SHANK2: variants seen among roughly 807,000 people sequenced by gnomAD.
The protein encoded by SHANK2 is SH3 and multiple ankyrin repeat domains protein 2.
A neutral mutation model predicts 133.7 loss-of-function variants in SHANK2; 43 were observed. The observed-to-expected ratio is 0.32, with a 90% CI of 0.25 to 0.41. The LOEUF is 0.41. Among genes scored for constraint, SHANK2 ranks in the 10% least tolerant of loss-of-function variants. SHANK2 has a pLI of 1.00. For missense variants in SHANK2, 1,994 were observed against 2,235.8 expected (o/e 0.89, Z 2.18); for synonymous variants, 1,017 against 952.8 (o/e 1.07, Z -1.24).
intron 21 of SHANK2, among the ~76,000 whole-genome samples, chr11:70,497,572 G>A (rs1019811173): frequency 6.6e-6 from 1 of 152,180 alleles, no homozygotes; most frequent in African/African-American, 2.4e-5. Context: ...ACGTGATGCT[G>A]ACCAGGCACA....
rs556957789 is a variant in SHANK2 at position 70,807,943 on chromosome 11, C to T, written c.1494-772G>A. Among the ~76,000 whole-genome samples, 186 of 152,212 alleles carry T rather than the reference C, an allele frequency of 1.2e-3. No homozygotes were observed. The highest frequency in any genetic ancestry group is 3.3e-3 in the African/African-American group (137 of 41,518). On this transcript the variant is annotated intron_variant, in intron 12 of 25. Transcript: ENST00000601538. The surrounding 1 kb of genome is among the most constrained non-coding windows in gnomAD (Gnocchi z 4.8). ...CACAGACTGTGTGATCCCAGCCATGCGAGGGCCCGAGAGCAGTCAGATTCA... is the reference window on the plus strand; with the variant it reads ...CACAGACTGTGTGATCCCAGCCATGTGAGGGCCCGAGAGCAGTCAGATTCA...
At chr11:71,111,689 C>T (rs1951894291) in intron 5 of SHANK2, among the ~76,000 whole-genome samples, 1 of 152,238 alleles carries the variant, frequency 6.6e-6, no homozygotes, top group African/African-American at 2.4e-5. Context: ...AGATTTCCAC[C>T]TGCCCATTTT....
intron 2 of SHANK2, among the ~76,000 whole-genome samples, chr11:71,199,898 A>G (rs1216305211): frequency 6.6e-6 from 1 of 152,208 alleles, no homozygotes; most frequent in Non-Finnish European, 1.5e-5. Context: ...TCTGGCAAAG[A>G]GAATGAAGCT....
intron 10 of SHANK2, among the ~76,000 whole-genome samples, chr11:70,952,409 T>C (rs1280584087): frequency 1.3e-5 from 2 of 152,230 alleles, no homozygotes; most frequent in Admixed American, 6.5e-5. Context: ...GAAACCGTAG[T>C]CCTTTGCCAA....
At chr11:70,944,270 C>T (rs1555084943) in intron 10 of SHANK2, among the ~76,000 whole-genome samples, 1 of 152,230 alleles carries the variant, frequency 6.6e-6, no homozygotes. Flanking sequence ...GTCACCCTCT[C>T]CCAGAGCCAT....
chr11:70,867,884 T>C (rs1447173771), intron 11 of SHANK2, among the ~76,000 whole-genome samples: 2 of 152,246 alleles, frequency 1.3e-5, no homozygotes, highest in Non-Finnish European at 2.9e-5. Flanking sequence ...CATCCATCTC[T>C]GGGCTGTTTG....
intron 10 of SHANK2, among the ~76,000 whole-genome samples, chr11:70,902,622 C>T (rs1262296122): frequency 1.3e-5 from 2 of 152,190 alleles, no homozygotes; most frequent in African/African-American, 4.8e-5. Flanking sequence ...CAGGCGGCAT[C>T]GATGGCTGAA....
chr11:70,557,727 C>A (rs2059851825), intron 17 of SHANK2, among the ~76,000 whole-genome samples: 1 of 152,158 alleles, frequency 6.6e-6, no homozygotes, highest in Non-Finnish European at 1.5e-5. Context: ...CTTTCCTGTG[C>A]AAAGGCCCAA....
intron 2 of SHANK2, among the ~76,000 whole-genome samples, chr11:71,221,027 C>G (rs1254618599): frequency 1.3e-5 from 2 of 151,872 alleles, no homozygotes; most frequent in Non-Finnish European, 2.9e-5. Context: ...ATGGTGAAAC[C>G]CTGTCTCTAC....
In SHANK2 at chr11:70,487,825, G is replaced by A. The variant is rs929285228; in HGVS notation, c.2573-105C>T. ...TCTCCACAAACTCACAAATTCAGAT[G>A]ATGAACCGGATGTTCAGGAAACACA... On this transcript the variant is annotated intron_variant, in intron 24 of 25. Coordinates refer to ENST00000601538, the MANE Select transcript of SHANK2 (RefSeq NM_012309.5). This position sits in a 1 kb window ranked among gnomAD's most constrained non-coding sequence, Gnocchi z 5.8. 3 of 1,544,414 alleles carry A rather than the reference G, an allele frequency of 1.9e-6. No homozygotes were observed. Among genetic ancestry groups the A allele is most frequent in the Non-Finnish European group, 8.7e-7 (1 of 1,144,368 alleles).
intron 2 of SHANK2, among the ~76,000 whole-genome samples, chr11:71,166,479 T>C (rs1393812022): frequency 6.7e-6 from 1 of 148,666 alleles, no homozygotes; most frequent in African/African-American, 2.5e-5. Context: ...ACGTCTTTTT[T>C]TTCTTTTCTT....
intron 1 of SHANK2, chr11:71,240,863 G>A (rs1555124319): frequency 1.3e-5 from 2 of 152,340 alleles, no homozygotes. Flanking sequence ...TTGAGCCACG[G>A]AGGTCCATTC....
chr11:70,681,860 A>C (rs1440134064), intron 15 of SHANK2, among the ~76,000 whole-genome samples: 1 of 152,008 alleles, frequency 6.6e-6, no homozygotes, highest in African/African-American at 2.4e-5. Context: ...GATCTTGAAC[A>C]CTGTGGGGTT....
At chr11:70,853,872 G>A (rs1949128697) in intron 11 of SHANK2, among the ~76,000 whole-genome samples, 1 of 152,110 alleles carries the variant, frequency 6.6e-6, no homozygotes, top group Non-Finnish European at 1.5e-5. Flanking sequence ...CTCTCTTGGT[G>A]TGCTTCAGTG....
At chr11:70,806,684 G>A (rs1441351525) in intron 13 of SHANK2, among the ~76,000 whole-genome samples, 3 of 152,178 alleles carry the variant, frequency 2.0e-5, no homozygotes, top group Admixed American at 6.5e-5. Context: ...CGACACTTCA[G>A]ACTTAGGGGA....
At chr11:71,121,843 A>G (rs1220522784) in intron 3 of SHANK2, among the ~76,000 whole-genome samples, 1 of 152,254 alleles carries the variant, frequency 6.6e-6, no homozygotes, top group Non-Finnish European at 1.5e-5. Context: ...AAGGATATGA[A>G]CAGACACTTT....
chr11:70,766,381 T>TGGC (rs1358520233), intron 14 of SHANK2, among the ~76,000 whole-genome samples: 44 of 152,342 alleles, frequency 2.9e-4, no homozygotes, highest in Admixed American at 1.6e-3. Context: ...CTGTCACATG[T>TGGC]GGCTGATGGG....
chr11:70,951,083 A>AGTTG (rs1950828603), intron 10 of SHANK2: 1 of 267,468 alleles, frequency 3.7e-6, no homozygotes, highest in Non-Finnish European at 7.3e-6. Context: ...AGTAGAGAGG[A>AGTTG]GTTGCATTCA....
chr11:70,881,390 A>C (rs1949657144), intron 11 of SHANK2, among the ~76,000 whole-genome samples: 1 of 151,918 alleles, frequency 6.6e-6, no homozygotes, highest in Non-Finnish European at 1.5e-5. Context: ...TGGGTGAATC[A>C]GGGGTACAAG....
Sources: gnomAD v4.1 joint callset for allele counts (sites outside exome capture counted in the v4.1 genomes callset) on GRCh38, gnomAD v4.1.1 for gene constraint, Gnocchi (gnomAD v3.1) non-coding constraint, MANE v1.5 for transcripts, NCBI Gene and HGNC (gene_info 2026-07-23, HGNC 2026-07-21) for gene names.